PTPRU: variants seen among roughly 807,000 people sequenced by gnomAD.
The protein encoded by PTPRU is protein tyrosine phosphatase receptor type U.
PTPRU carries 69 observed loss-of-function variants against 166.3 expected under a neutral mutation model. The observed-to-expected ratio is 0.41, with a 90% confidence interval of 0.34 to 0.51. The LOEUF is 0.51. Among genes scored for constraint, PTPRU ranks in the 20% least tolerant of loss-of-function variants. PTPRU has a pLI of 0.09. For missense variants in PTPRU, 1,657 were observed against 2,013.7 expected (o/e 0.82, Z 3.39); for synonymous variants, 793 against 814.0 (o/e 0.97, Z 0.44).
At chr1:29,267,611 G>A (rs1685362065) in intron 7 of PTPRU, among the ~76,000 whole-genome samples, 1 of 152,180 alleles carries the variant, frequency 6.6e-6, no homozygotes, top group Admixed American at 6.5e-5. Context: ...CGTGCAAGGG[G>A]CATCCAGGAG....
intron 14 of PTPRU, among the ~76,000 whole-genome samples, chr1:29,288,152 G>A (rs913707220): frequency 5.3e-5 from 8 of 152,152 alleles, no homozygotes; most frequent in East Asian, 3.9e-4. Context: ...AAGTGGAAGC[G>A]CATGGAGGTG....
intron 14 of PTPRU, among the ~76,000 whole-genome samples, chr1:29,285,113 C>T (rs1200729664): frequency 6.6e-6 from 1 of 152,178 alleles, no homozygotes; most frequent in Non-Finnish European, 1.5e-5. Flanking sequence ...CAGGTGCTGC[C>T]ATCCAGGGAG....
intron 1 of PTPRU, among the ~76,000 whole-genome samples, chr1:29,241,173 G>C (rs1002987415): frequency 6.6e-6 from 1 of 152,112 alleles, no homozygotes. Flanking sequence ...TGGGGAGCCT[G>C]GTGCTAAGGG....
At chr1:29,322,914 G>A (rs747990794) in intron 26 of PTPRU, among the ~76,000 whole-genome samples, 1 of 149,734 alleles carries the variant, frequency 6.7e-6, no homozygotes, top group East Asian at 2.0e-4. Flanking sequence ...AGAAGTGGGG[G>A]TACTGAACTG....
At position 29,311,308 on chromosome 1, in the gene PTPRU, G is replaced by C; in HGVS notation, c.2858-148G>C. On this transcript the variant is annotated intron_variant, in intron 19 of 29. Coordinates refer to ENST00000373779, the MANE Select transcript of PTPRU (RefSeq NM_133178.4). The surrounding 1 kb of genome is among the most constrained non-coding windows in gnomAD (Gnocchi z 4.1). ...AGGGCCCTACAGGCATGCGTCAGCT[G>C]CAAGCTGGGTGTTGTGGGCAGCATG... 4.2e-6 allele frequency: 3 copies of C among 713,350 alleles called. No homozygotes were observed. The highest frequency in any genetic ancestry group is 4.7e-6 in the Non-Finnish European group (2 of 428,478). 44.2% of individuals were successfully genotyped at this position (713,350 alleles called of 1,614,324 possible).
rs760091774 is a variant in PTPRU, at chr1:29,291,980, G to A, written c.2430G>A (p.Glu810=). ...FTDQSTLQED[E]RLGLSFMDTH... ...ACCAGAGCACCCTGCAGGAGGACGAGCGGCTGGGCCTGTCCTTCATGGACA... is the reference window on the plus strand; with the variant it reads ...ACCAGAGCACCCTGCAGGAGGACGAACGGCTGGGCCTGTCCTTCATGGACA... Residue 810 remains glutamate (E), a synonymous_variant, in exon 15 of 30, where the codon GAG becomes GAA. Coordinates refer to ENST00000373779, the MANE Select transcript of PTPRU (RefSeq NM_133178.4). This position sits in a 1 kb window ranked among gnomAD's most constrained non-coding sequence, Gnocchi z 4.1. 4 of 1,614,168 alleles carry A rather than the reference G, an allele frequency of 2.5e-6. No individual in the cohort carries two copies. The highest frequency in any genetic ancestry group is 3.4e-6 in the Non-Finnish European group (4 of 1,180,028).
intron 1 of PTPRU, among the ~76,000 whole-genome samples, chr1:29,254,680 A>G (rs1684697185): frequency 6.6e-6 from 1 of 152,138 alleles, no homozygotes. Flanking sequence ...GATTGGCGGC[A>G]ACTGTTGTTT....
chr1:29,282,782 C>G lies in PTPRU; in HGVS notation c.1975C>G (p.Arg659Gly). Residue 659 changes from arginine to glycine, a missense_variant, in exon 12 of 30, where the codon CGA (arginine) becomes GGA (glycine). Arg to Gly is a moderately radical substitution (Grantham distance 125). Coordinates refer to ENST00000373779, the MANE Select transcript of PTPRU (RefSeq NM_133178.4). ...VPLTFEAALA[R>G]GLVHYFGAEL... ...ATTGACCTTCGAGGCGGCGCTGGCC[C>G]GAGGCCTGGTGCACTACTTCGGGGC... The G allele has an allele frequency of 6.2e-7, 1 of 1,614,114 alleles. No individual in the cohort carries two copies.
intron 16 of PTPRU, 105 bp from the exon 17 acceptor site, chr1:29,304,669 C>A: frequency 2.5e-6 from 2 of 792,418 alleles, no homozygotes; most frequent in Non-Finnish European, 3.9e-6. Flanking sequence ...TGAATCTGGC[C>A]CTTATCATCC....
chr1:29,308,585 A>AAG (rs1553127742), intron 18 of PTPRU, among the ~76,000 whole-genome samples: 26 of 150,598 alleles, frequency 1.7e-4, no homozygotes, highest in Admixed American at 1.6e-3. Flanking sequence ...AAAAAAAAAA[A>AAG]AGAGAGAGAG....
chr1:29,275,722 G>A lies in PTPRU; in HGVS notation c.1419G>A (p.Glu473=), dbSNP rs779943702. 8 of 1,614,096 alleles carry A rather than the reference G, an allele frequency of 5.0e-6. No homozygotes were observed. The East Asian group carries it at 6.7e-5, about 13-fold the overall frequency. The change falls in exon 8 of 30, where the codon GAG becomes GAA. Residue 473 remains glutamate, a synonymous_variant. Coordinates refer to ENST00000373779, the MANE Select transcript of PTPRU (RefSeq NM_133178.4). ...LVLTNPEGRK[E]GKEVTFQTDE... Reference sequence around the variant, plus strand: ...TCACTAACCCTGAGGGGCGCAAAGAGGGCAAGGAGGTCACTTTCCAGACGG... The same window carrying A: ...TCACTAACCCTGAGGGGCGCAAAGAAGGCAAGGAGGTCACTTTCCAGACGG...
Position 29,279,420 on chromosome 1 carries a change from A to G in PTPRU, c.1564-36A>G. The G allele has an allele frequency of 6.3e-7, 1 of 1,591,000 alleles. No individual in the cohort carries two copies. Reference sequence around the variant, plus strand: ...GCTGCTGGTCAGGGATGCTCTGACCATCCAGTGCCCACCTGCCTGCCAATC... The same window carrying G: ...GCTGCTGGTCAGGGATGCTCTGACCGTCCAGTGCCCACCTGCCTGCCAATC... On this transcript the variant is annotated intron_variant, in intron 9 of 29. Coordinates refer to ENST00000373779, the MANE Select transcript of PTPRU (RefSeq NM_133178.4). This position sits in a 1 kb window ranked among gnomAD's most constrained non-coding sequence, Gnocchi z 5.2.
intron 8 of PTPRU, among the ~76,000 whole-genome samples, chr1:29,276,995 C>T (rs1685834055): frequency 6.6e-6 from 1 of 152,204 alleles, no homozygotes; most frequent in Admixed American, 6.5e-5. Context: ...TCATTCAGTT[C>T]AATTTGTTGT....
chr1:29,268,142 C>G (rs966645549), intron 7 of PTPRU, among the ~76,000 whole-genome samples: 1 of 152,130 alleles, frequency 6.6e-6, no homozygotes, highest in African/African-American at 2.4e-5. Flanking sequence ...GAAATGTTGA[C>G]TTCGAGATCC....
chr1:29,260,460 G>A lies in PTPRU; in HGVS notation c.851-150G>A. The A allele has an allele frequency of 3.3e-6, 2 of 612,290 alleles. No homozygotes were observed. The highest frequency in any genetic ancestry group is 2.9e-5 in the South Asian group (1 of 34,418). The allele number at this position is 612,290 out of a possible 1,614,324, so 37.9% of individuals were successfully genotyped here. ...CCTTAGGGCCCGGGATTTAGTGGGG[G>A]TAGGAGAGCGGGTCTGGTTGAGGGC... On this transcript the variant is annotated intron_variant, in intron 6 of 29. Transcript: ENST00000373779. This position sits in a 1 kb window ranked among gnomAD's most constrained non-coding sequence, Gnocchi z 8.3.
At position 29,305,402 on chromosome 1, in the gene PTPRU, G is replaced by A. The variant is rs143594487; in HGVS notation, c.2794G>A (p.Asp932Asn). ...CCCGATGCTGGGAGACCCCAATGCC[G>A]ACTACATTAATGCCAACTACATAGA... ...LHPMLGDPNA[D>N]YINANYIDGY... Residue 932 changes from aspartate (D) to asparagine (N), a missense_variant, in exon 18 of 30, where the codon GAC becomes AAC. By Grantham distance (23) the Asp-to-Asn change is conservative. Transcript: ENST00000373779. 21 of 1,613,708 alleles carry A rather than the reference G, an allele frequency of 1.3e-5. No individual in the cohort carries two copies. Among genetic ancestry groups the A allele is most frequent in the Admixed American group, 3.3e-5 (2 of 60,002 alleles).
Position 29,260,108 on chromosome 1 carries a change from G to A in PTPRU, c.850+64G>A, listed in dbSNP as rs748567384. 20 of 1,341,518 alleles carry A rather than the reference G, an allele frequency of 1.5e-5. No homozygotes were observed. Among genetic ancestry groups the A allele is most frequent in the Admixed American group, 3.9e-5 (1 of 25,514 alleles). 83.1% of individuals were successfully genotyped at this position (1,341,518 alleles called of 1,614,324 possible). ...CTCGAGGGGCGGGGCCGGCGACGGG[G>A]GCGGGCTCTGCCCGGGGGCGTGGCC... On this transcript the variant is annotated intron_variant, in intron 6 of 29. Coordinates refer to ENST00000373779, the MANE Select transcript of PTPRU (RefSeq NM_133178.4). This position sits in a 1 kb window ranked among gnomAD's most constrained non-coding sequence, Gnocchi z 8.3.
At chr1:29,325,448 G>T (rs921861368) in intron 29 of PTPRU, 122 bp downstream of exon 29, 5 of 1,515,898 alleles carry the variant, frequency 3.3e-6, no homozygotes, top group Non-Finnish European at 4.6e-6. Flanking sequence ...TAGCCCTGTG[G>T]TCCTAAAACA....
In PTPRU at chr1:29,255,288, C is replaced by T. The variant is rs566894902; in HGVS notation, c.87C>T (p.Phe29=). Residue 29 remains phenylalanine (F), a synonymous_variant, in exon 2 of 30, where the codon TTC becomes TTT. Coordinates refer to ENST00000373779, the MANE Select transcript of PTPRU (RefSeq NM_133178.4). ...ETETPAAGCT[F]EEASDPAVPC... Reference sequence around the variant, plus strand: ...CTGCTCTCACAGCTGGCTGCACCTTCGAGGAGGCAAGTGACCCAGCAGTGC... The same window carrying T: ...CTGCTCTCACAGCTGGCTGCACCTTTGAGGAGGCAAGTGACCCAGCAGTGC... 35 of 1,613,640 alleles carry T rather than the reference C, an allele frequency of 2.2e-5. No individual in the cohort carries two copies. Among genetic ancestry groups the T allele is most frequent in the African/African-American group, 1.1e-4 (8 of 75,024 alleles).
Sources: allele counts gnomAD v4.1 joint callset (sites outside exome capture counted in the v4.1 genomes callset), GRCh38; gene constraint gnomAD v4.1.1; non-coding constraint Gnocchi (gnomAD v3.1); transcripts MANE v1.5; gene names NCBI Gene and HGNC (gene_info 2026-07-23, HGNC 2026-07-21).